Variants in PAK5 observed in about 807,000 individuals in gnomAD.
PAK5 encodes serine/threonine-protein kinase PAK 5.
PAK5 carries 16 observed loss-of-function variants against 65.9 expected under a neutral mutation model. That is an observed-to-expected ratio of 0.24 (90% CI 0.16 to 0.37). The LOEUF is 0.37. PAK5 is among the 10% of genes least tolerant of loss of function. The pLI, the probability that PAK5 is intolerant of heterozygous loss-of-function variation, is 1.00. For synonymous variants in PAK5, 371 were observed against 354.9 expected (o/e 1.05, Z -0.51); for missense variants, 785 against 903.9 (o/e 0.87, Z 1.69).
chr20:9,586,123 G>T (rs558203968), intron 3 of PAK5, among the ~76,000 whole-genome samples: 1 of 151,940 alleles, frequency 6.6e-6, no homozygotes, highest in Non-Finnish European at 1.5e-5. Flanking sequence ...ATATCAAATT[G>T]GTATCCCAAT....
At chr20:9,621,727 C>T in intron 3 of PAK5, among the ~76,000 whole-genome samples, 1 of 152,310 alleles carries the variant, frequency 6.6e-6, no homozygotes, top group East Asian at 1.9e-4. Context: ...GCCACTCCTC[C>T]TGAGAACAGC....
intron 1 of PAK5, among the ~76,000 whole-genome samples, chr20:9,814,998 T>C (rs191544591): frequency 1.2e-3 from 177 of 152,218 alleles, no homozygotes; most frequent in African/African-American, 3.9e-3. Context: ...CAGCTTCCAC[T>C]TATGGTGGAA....
At position 9,733,349 on chromosome 20, in the gene PAK5, T is replaced by G. The variant is rs557644240; in HGVS notation, c.-161-21914A>C. Among the ~76,000 whole-genome samples, 11 of 152,238 alleles carry G rather than the reference T, an allele frequency of 7.2e-5. No individual in the cohort carries two copies. The East Asian group carries it at 1.9e-3, about 27-fold the overall frequency. On this transcript the variant is annotated intron_variant, in intron 1 of 9. Transcript: ENST00000353224. ...TGTGAATTAATTACCATAATCAAGC[T>G]AATTAGCATATTCAACACCTCACAT... is the stretch of plus-strand genomic sequence containing the variant.
chr20:9,787,172 G>T (rs1160404494), intron 1 of PAK5, among the ~76,000 whole-genome samples: 1 of 152,176 alleles, frequency 6.6e-6, no homozygotes, highest in African/African-American at 2.4e-5. Context: ...ACATTCTGCA[G>T]ATAAGAGAAA....
chr20:9,832,927 T>C (rs1978844276), intron 1 of PAK5, among the ~76,000 whole-genome samples: 1 of 152,246 alleles, frequency 6.6e-6, no homozygotes, highest in Admixed American at 6.5e-5. Context: ...ATGTTTGGTG[T>C]CAATATTGTT....
chr20:9,673,602 A>G (rs1183674237), intron 2 of PAK5, among the ~76,000 whole-genome samples: 1 of 152,236 alleles, frequency 6.6e-6, no homozygotes, highest in Admixed American at 6.5e-5. Context: ...TGTCAACAGT[A>G]TTTATAAATG....
chr20:9,772,952 T>G (rs950823828), intron 1 of PAK5, among the ~76,000 whole-genome samples: 1 of 152,208 alleles, frequency 6.6e-6, no homozygotes, highest in African/African-American at 2.4e-5. Flanking sequence ...TGAGGCATTG[T>G]CTCTCCTTGA....
intron 4 of PAK5, among the ~76,000 whole-genome samples, chr20:9,571,840 T>G (rs2045786894): frequency 8.2e-6 from 1 of 122,098 alleles, no homozygotes; most frequent in Non-Finnish European, 1.6e-5. Flanking sequence ...AGTACTTGGG[T>G]CCTTGAAAAA....
At chr20:9,548,069 G>A (rs1217112335) in intron 7 of PAK5, among the ~76,000 whole-genome samples, 2 of 152,290 alleles carry the variant, frequency 1.3e-5, no homozygotes, top group South Asian at 2.1e-4. Context: ...CACCTGAATG[G>A]TTTTTAAAGC....
At chr20:9,703,119 G>A (rs2047960981) in intron 2 of PAK5, among the ~76,000 whole-genome samples, 1 of 152,096 alleles carries the variant, frequency 6.6e-6, no homozygotes, top group South Asian at 2.1e-4. Context: ...TATTGAGACT[G>A]TCAAAGAACT....
chr20:9,675,627 G>A (rs918447279), intron 2 of PAK5, among the ~76,000 whole-genome samples: 12 of 152,110 alleles, frequency 7.9e-5, no homozygotes, highest in Non-Finnish European at 1.8e-4. Flanking sequence ...ACAGGTGCAT[G>A]GCACCATACC....
At chr20:9,619,685 G>C (rs780050669) in intron 3 of PAK5, among the ~76,000 whole-genome samples, 1 of 152,210 alleles carries the variant, frequency 6.6e-6, no homozygotes, top group Admixed American at 6.5e-5. Flanking sequence ...GAGTCTCTCC[G>C]TGCTGCCTTC....
intron 2 of PAK5, among the ~76,000 whole-genome samples, chr20:9,706,727 C>T (rs1056671021): frequency 5.9e-5 from 9 of 151,572 alleles, no homozygotes; most frequent in African/African-American, 1.2e-4. Flanking sequence ...AGGCTGATCT[C>T]GAACTCTTGA....
intron 1 of PAK5, among the ~76,000 whole-genome samples, chr20:9,834,708 G>T (rs1182644368): frequency 1.3e-5 from 2 of 152,128 alleles, no homozygotes; most frequent in East Asian, 1.9e-4. Context: ...AAAGATTAGA[G>T]GGTTATAGTG....
Position 9,821,459 on chromosome 20 carries a change from C to T in PAK5, c.-162+17303G>A, listed in dbSNP as rs189020641. ...AGGTTAACTGTGATTATTTTCAGAA[C>T]ACAATACTTTGTAGCCTGCCTAACC... On this transcript the variant is annotated intron_variant, in intron 1 of 9. Transcript: ENST00000353224. 3.7e-3 allele frequency among the ~76,000 whole-genome samples: 559 copies of T among 152,274 alleles called. 1 individual carries two copies. The highest frequency in any genetic ancestry group is 0.01 in the Middle Eastern group (3 of 294).
At chr20:9,585,939 A>T (rs1306830790) in intron 3 of PAK5, among the ~76,000 whole-genome samples, 1 of 152,176 alleles carries the variant, frequency 6.6e-6, no homozygotes, top group Non-Finnish European at 1.5e-5. Context: ...AAGAACTATG[A>T]AGCACATCTA....
chr20:9,806,012 T>A (rs1217161880), intron 1 of PAK5, among the ~76,000 whole-genome samples: 3 of 152,182 alleles, frequency 2.0e-5, no homozygotes, highest in African/African-American at 7.2e-5. Flanking sequence ...TTGCCTAGGC[T>A]GGAGTGCAGT....
At chr20:9,794,568 A>T (rs776865980) in intron 1 of PAK5, among the ~76,000 whole-genome samples, 1 of 152,076 alleles carries the variant, frequency 6.6e-6, no homozygotes, top group Non-Finnish European at 1.5e-5. Context: ...AGAGCAAGAC[A>T]TATGCACTGT....
Position 9,838,596 on chromosome 20 carries a change from C to T in PAK5, c.-162+166G>A, listed in dbSNP as rs1979348452. ...TACCCTCCAGGCAGCAGGTCCCTAG[C>T]CTTTGCATCTCCTAGGAGATGCAGG... On this transcript the variant is annotated intron_variant, in intron 1 of 9. Transcript: ENST00000353224. This position sits in a 1 kb window ranked among gnomAD's most constrained non-coding sequence, Gnocchi z 4.5. 6.6e-6 allele frequency among the ~76,000 whole-genome samples: 1 copy of T among 152,182 alleles called. No individual in the cohort carries two copies. The highest frequency in any genetic ancestry group is 1.5e-5 in the Non-Finnish European group (1 of 68,034).
Sources: gnomAD v4.1 joint callset for allele counts (sites outside exome capture counted in the v4.1 genomes callset) on GRCh38, gnomAD v4.1.1 for gene constraint, Gnocchi (gnomAD v3.1) non-coding constraint, MANE v1.5 for transcripts, NCBI Gene and HGNC (gene_info 2026-07-23, HGNC 2026-07-21) for gene names.